The following CNTNAP5 variants were observed in gnomAD, a reference collection of about 807,000 sequenced individuals.
The protein encoded by CNTNAP5 is contactin associated protein family member 5.
CNTNAP5 carries 72 observed loss-of-function variants against 150.2 expected under a neutral mutation model. The observed-to-expected ratio is 0.48, with a 90% CI of 0.40 to 0.58. CNTNAP5 has a LOEUF of 0.58. Among genes scored for constraint, CNTNAP5 ranks in the 20% least tolerant of loss-of-function variants. The pLI, the probability that CNTNAP5 is intolerant of heterozygous loss-of-function variation, is 0.00. For missense variants in CNTNAP5, 1,636 were observed against 1,626.2 expected, an observed-to-expected ratio of 1.01 and a Z score of -0.10; for synonymous variants, 672 against 619.8, an observed-to-expected ratio of 1.08 and a Z score of -1.25.
intron 7 of CNTNAP5, among the ~76,000 whole-genome samples, chr2:124,481,635 A>G (rs368479379): frequency 3.9e-5 from 6 of 152,164 alleles, no homozygotes; most frequent in African/African-American, 1.4e-4. Flanking sequence ...CATAGACCAC[A>G]GTTTATTGAC....
chr2:124,180,998 T>C (rs1275892632), intron 1 of CNTNAP5, among the ~76,000 whole-genome samples: 2 of 151,108 alleles, frequency 1.3e-5, no homozygotes, highest in African/African-American at 4.9e-5. Context: ...TCCCCTTCTG[T>C]AAGAGAATGT....
intron 13 of CNTNAP5, among the ~76,000 whole-genome samples, chr2:124,740,069 T>C (rs1401226292): frequency 6.7e-6 from 1 of 150,200 alleles, no homozygotes; most frequent in African/African-American, 2.4e-5. Context: ...CATTTAATTA[T>C]ATAATTTTAT....
intron 22 of CNTNAP5, among the ~76,000 whole-genome samples, chr2:124,903,358 G>A (rs1678454382): frequency 6.6e-6 from 1 of 152,196 alleles, no homozygotes; most frequent in South Asian, 2.1e-4. Context: ...ATAATGCATT[G>A]TGTATGTGTG....
chr2:124,613,011 C>T (rs963087887), intron 12 of CNTNAP5, among the ~76,000 whole-genome samples: 6 of 152,120 alleles, frequency 3.9e-5, no homozygotes, highest in Admixed American at 6.5e-5. Flanking sequence ...GAGATTGTGC[C>T]ACTGCACTCC....
chr2:124,672,193 C>T (rs1305769232), intron 13 of CNTNAP5, among the ~76,000 whole-genome samples: 3 of 152,142 alleles, frequency 2.0e-5, no homozygotes, highest in Non-Finnish European at 4.4e-5. Context: ...GACCTACCCT[C>T]TGTGTGTGTC....
intron 7 of CNTNAP5, among the ~76,000 whole-genome samples, chr2:124,499,535 T>C (rs902239471): frequency 3.3e-5 from 5 of 152,198 alleles, no homozygotes; most frequent in African/African-American, 9.6e-5. Flanking sequence ...ACAGCTTTGC[T>C]TTTAGTGTGT....
intron 3 of CNTNAP5, among the ~76,000 whole-genome samples, chr2:124,307,711 C>T (rs1429295910): frequency 6.6e-6 from 1 of 152,138 alleles, no homozygotes; most frequent in Non-Finnish European, 1.5e-5. Flanking sequence ...ACAATGAATG[C>T]TCAGTTGGCA....
At chr2:124,212,556 T>C (rs1439966936) in intron 1 of CNTNAP5, among the ~76,000 whole-genome samples, 3 of 152,200 alleles carry the variant, frequency 2.0e-5, no homozygotes, top group Non-Finnish European at 2.9e-5. Flanking sequence ...CCTGTTACAC[T>C]CAATAATATA....
intron 13 of CNTNAP5, among the ~76,000 whole-genome samples, chr2:124,703,948 A>G (rs1406704635): frequency 6.6e-6 from 1 of 152,204 alleles, no homozygotes; most frequent in Non-Finnish European, 1.5e-5. Flanking sequence ...ATGAGTTTTT[A>G]AATTTCCATC....
chr2:124,817,314 A>C (rs555404228), intron 19 of CNTNAP5, among the ~76,000 whole-genome samples: 1 of 152,348 alleles, frequency 6.6e-6, no homozygotes, highest in South Asian at 2.1e-4. Flanking sequence ...CTCCTAAAGT[A>C]GATGCATTCC....
At chr2:124,913,534 A>T (rs1290999635) in intron 23 of CNTNAP5, among the ~76,000 whole-genome samples, 1 of 152,140 alleles carries the variant, frequency 6.6e-6, no homozygotes, top group African/African-American at 2.4e-5. Flanking sequence ...AGTTTAACAG[A>T]GTTCAGAGCA....
intron 19 of CNTNAP5, among the ~76,000 whole-genome samples, chr2:124,847,273 G>A (rs1683069120): frequency 6.6e-6 from 1 of 152,112 alleles, no homozygotes; most frequent in East Asian, 1.9e-4. Flanking sequence ...CTCTCTTTGG[G>A]CAGGGCTTGC....
chr2:124,406,652 T>C (rs1691579073), intron 3 of CNTNAP5, among the ~76,000 whole-genome samples: 1 of 152,222 alleles, frequency 6.6e-6, no homozygotes, highest in Non-Finnish European at 1.5e-5. Context: ...AGTCAGGGTA[T>C]TTGGGATATC....
intron 1 of CNTNAP5, among the ~76,000 whole-genome samples, chr2:124,112,146 G>C (rs1223121697): frequency 6.6e-6 from 1 of 152,168 alleles, no homozygotes; most frequent in Non-Finnish European, 1.5e-5. Flanking sequence ...AATCTGGCTG[G>C]CTTTTTAAGT....
chr2:124,554,860 T>C (rs955211541), intron 10 of CNTNAP5, among the ~76,000 whole-genome samples: 6 of 152,224 alleles, frequency 3.9e-5, no homozygotes, highest in African/African-American at 1.4e-4. Flanking sequence ...AAACTAGAGC[T>C]GGCCAATTCA....
intron 4 of CNTNAP5, among the ~76,000 whole-genome samples, chr2:124,425,892 A>C (rs1267715254): frequency 6.6e-6 from 1 of 152,292 alleles, no homozygotes; most frequent in East Asian, 1.9e-4. Context: ...CAATGAATTT[A>C]GGAGTAATGA....
chr2:124,240,095 G>A (rs900166903), intron 2 of CNTNAP5, among the ~76,000 whole-genome samples: 22 of 152,220 alleles, frequency 1.4e-4, no homozygotes, highest in African/African-American at 5.3e-4. Context: ...CTGGACTTCA[G>A]TTTCCTCAAC....
intron 7 of CNTNAP5, among the ~76,000 whole-genome samples, chr2:124,475,165 T>G (rs1009935955): frequency 2.0e-5 from 3 of 152,034 alleles, no homozygotes; most frequent in African/African-American, 7.2e-5. Flanking sequence ...CAGTCTATAT[T>G]GGGACAACAT....
At chr2:124,514,153 G>A (rs1558935184) in intron 8 of CNTNAP5, among the ~76,000 whole-genome samples, 1 of 152,210 alleles carries the variant, frequency 6.6e-6, no homozygotes, top group Non-Finnish European at 1.5e-5. Flanking sequence ...CACAGAGTTC[G>A]AGTTTCAGAA....
Sources: gnomAD v4.1 joint callset for allele counts (sites outside exome capture counted in the v4.1 genomes callset) on GRCh38, gnomAD v4.1.1 for gene constraint, MANE v1.5 for transcripts, NCBI Gene and HGNC (gene_info 2026-07-23, HGNC 2026-07-21) for gene names.